SPIRE2: variants seen among roughly 807,000 people sequenced by gnomAD.
SPIRE2 encodes spire type actin nucleation factor 2.
A neutral mutation model predicts 80.7 loss-of-function variants in SPIRE2; 76 were observed. The observed-to-expected ratio is 0.94, with a 90% CI of 0.78 to 1.14. The LOEUF (loss-of-function observed/expected upper bound fraction) is 1.14. Among genes scored for constraint, SPIRE2 ranks in the 50% most tolerant of loss-of-function variants. The pLI is 0.00. For missense variants in SPIRE2, 1,196 were observed against 1,015.3 expected (o/e 1.18, Z -2.42); for synonymous variants, 535 against 432.6 (o/e 1.24, Z -2.94).
intron 1 of SPIRE2, among the ~76,000 whole-genome samples, chr16:89,832,577 A>G (rs1301628892): frequency 6.6e-6 from 1 of 152,006 alleles, no homozygotes; most frequent in African/African-American, 2.4e-5. Context: ...ACTCCTCACC[A>G]GAGCTGAGGG....
Position 89,870,394 on chromosome 16 carries a change from C to T in SPIRE2, c.*122C>T, listed in dbSNP as rs117477742. 7.1e-4 allele frequency: 444 copies of T among 628,544 alleles called. 3 individuals carry two copies. In the East Asian group the frequency reaches 8.3e-3, roughly 12 times the overall value. The allele number at this position is 628,544 out of a possible 1,614,324, so 38.9% of individuals were successfully genotyped here. On this transcript the variant is annotated 3_prime_UTR_variant, in exon 15 of 15. Coordinates refer to ENST00000378247, the MANE Select transcript of SPIRE2 (RefSeq NM_032451.2). ...TACATTTATAATATATACACACAGT[C>T]TATATATTTATATACACTGTTTCCT... is the stretch of plus-strand genomic sequence containing the variant.
At chr16:89,856,752 A>G (rs1204206050) in intron 7 of SPIRE2, among the ~76,000 whole-genome samples, 1 of 151,124 alleles carries the variant, frequency 6.6e-6, no homozygotes, top group Non-Finnish European at 1.5e-5. Flanking sequence ...GAACCACTGC[A>G]CCTGGCCAAA....
Position 89,830,891 on chromosome 16 carries a change from T to G in SPIRE2, c.244+2097T>G, listed in dbSNP as rs187748576. Reference sequence around the variant, plus strand: ...CTTCCTAATCTTTACTCTGAAGACTTTGTAACTGCTTAGAATCTTTTTTTT... The same window carrying G: ...CTTCCTAATCTTTACTCTGAAGACTGTGTAACTGCTTAGAATCTTTTTTTT... On this transcript the variant is annotated intron_variant, in intron 1 of 14. Transcript: ENST00000378247. Among the ~76,000 whole-genome samples, 258 of 149,152 alleles carry G rather than the reference T, an allele frequency of 1.7e-3. 4 individuals carry two copies. The highest frequency in any genetic ancestry group is 6.8e-3 in the Middle Eastern group (2 of 294).
At chr16:89,829,527 G>T (rs942330850) in intron 1 of SPIRE2, among the ~76,000 whole-genome samples, 2 of 152,252 alleles carry the variant, frequency 1.3e-5, no homozygotes, top group East Asian at 3.8e-4. Flanking sequence ...GCAGAGGCAG[G>T]CTGTGTGTTT....
chr16:89,835,244 C>T (rs1419353935), intron 1 of SPIRE2, among the ~76,000 whole-genome samples: 2 of 144,080 alleles, frequency 1.4e-5, no homozygotes, highest in Non-Finnish European at 2.9e-5. Flanking sequence ...CGTGGATAAG[C>T]ATAGCCCGTG....
rs567891262 is a variant in SPIRE2 at position 89,838,538 on chromosome 16, A to T, written c.245-6784A>T. Among the ~76,000 whole-genome samples the T allele has an allele frequency of 5.3e-5, 8 of 152,176 alleles. No homozygotes were observed. In the South Asian group the frequency reaches 1.7e-3, roughly 32 times the overall value. On this transcript the variant is annotated intron_variant, in intron 1 of 14. Transcript: ENST00000378247. ...CTGTTTCATCAGCGGGAACCAGGGA[A>T]GCTCAGGGAAGCACGGTGAGCCACG...
chr16:89,828,729 G>C lies in SPIRE2; in HGVS notation c.179G>C (p.Arg60Pro). ...GLRGSPGRRL[R>P]DTGDLLLRGD... ...CGGGGCTCGCCGGGCCGGCGCCTGCGGGATACCGGGGACCTCCTGCTGCGC... is the reference window on the plus strand; with the variant it reads ...CGGGGCTCGCCGGGCCGGCGCCTGCCGGATACCGGGGACCTCCTGCTGCGC... The change falls in exon 1 of 15, where the codon CGG (arginine) becomes CCG (proline). Residue 60 changes from arginine to proline, a missense_variant. Physicochemically the swap from Arg to Pro is moderately radical, Grantham distance 103. Transcript: ENST00000378247. The surrounding 1 kb of genome is among the most constrained non-coding windows in gnomAD (Gnocchi z 5.9). 2.6e-5 allele frequency: 32 copies of C among 1,241,158 alleles called. No individual in the cohort carries two copies. Among genetic ancestry groups the C allele is most frequent in the Non-Finnish European group, 3.2e-5 (32 of 989,240 alleles). The allele number at this position is 1,241,158 out of a possible 1,614,324, so 76.9% of individuals were successfully genotyped here.
At chr16:89,856,831 C>T (rs1170722263) in intron 7 of SPIRE2, among the ~76,000 whole-genome samples, 1 of 151,180 alleles carries the variant, frequency 6.6e-6, no homozygotes, top group Non-Finnish European at 1.5e-5. Flanking sequence ...GATGCTGAGG[C>T]GGGAGGATCA....
At position 89,843,352 on chromosome 16, in the gene SPIRE2, G is replaced by A. The variant is rs866330989; in HGVS notation, c.245-1970G>A. ...ACCGGCAAAAGGCAGGTTCGCTCCC[G>A]GGCCTCCCTCAGGGCCAGGTTTCAT... On this transcript the variant is annotated intron_variant, in intron 1 of 14. Transcript: ENST00000378247. 5.3e-5 allele frequency among the ~76,000 whole-genome samples: 8 copies of A among 152,244 alleles called. No individual in the cohort carries two copies. The South Asian group carries it at 6.2e-4, about 12-fold the overall frequency.
intron 1 of SPIRE2, among the ~76,000 whole-genome samples, chr16:89,839,371 C>T (rs2041481503): frequency 1.3e-5 from 1 of 75,452 alleles, no homozygotes; most frequent in South Asian, 5.7e-4. Context: ...GAGACTCCAT[C>T]TCAAAAAAAA....
chr16:89,843,458 G>A (rs1470345702), intron 1 of SPIRE2, among the ~76,000 whole-genome samples: 7 of 151,626 alleles, frequency 4.6e-5, no homozygotes, highest in Non-Finnish European at 1.0e-4. Context: ...AGTCTTGGGG[G>A]GACATCTCCA....
At chr16:89,834,481 C>T (rs1490352361) in intron 1 of SPIRE2, among the ~76,000 whole-genome samples, 12 of 86,826 alleles carry the variant, frequency 1.4e-4, no homozygotes, top group East Asian at 3.6e-4. Flanking sequence ...TGAACCTGCC[C>T]GCACTCGCGG....
chr16:89,846,628 C>G (rs1335454735), intron 2 of SPIRE2: 1 of 150,970 alleles, frequency 6.6e-6, no homozygotes, highest in Non-Finnish European at 1.5e-5. Flanking sequence ...ATTCTCCTGG[C>G]CAGCCTCTCA....
At chr16:89,869,782 G>A (rs1010810908) in intron 14 of SPIRE2, 100 bp downstream of exon 14, 15 of 906,208 alleles carry the variant, frequency 1.7e-5, no homozygotes, top group Non-Finnish European at 2.7e-5. Flanking sequence ...TGTTTGCTAG[G>A]ACACCCCAAG....
rs2041807543 is a variant in SPIRE2 at position 89,868,309 on chromosome 16, A to G, written c.1806+93A>G. 4 of 1,265,424 alleles carry G rather than the reference A, an allele frequency of 3.2e-6. No individual in the cohort carries two copies. The Admixed American group carries it at 7.3e-5, about 23-fold the overall frequency. 78.4% of individuals were successfully genotyped at this position (1,265,424 alleles called of 1,614,324 possible). A position where few individuals can be genotyped will look rare whatever the true frequency, so the allele number is the denominator to read the frequency against. ...ATGTGTTGGATGATGCTGCCTCACC[A>G]GGCACCTCATCCATTTCCTTTCAGG... On this transcript the variant is annotated intron_variant, in intron 13 of 14. Coordinates refer to ENST00000378247, the MANE Select transcript of SPIRE2 (RefSeq NM_032451.2).
chr16:89,842,047 C>A (rs776225358), intron 1 of SPIRE2, among the ~76,000 whole-genome samples: 23 of 151,040 alleles, frequency 1.5e-4, no homozygotes, highest in Non-Finnish European at 2.7e-4. Flanking sequence ...TTTTTAACAT[C>A]TAGTTTTATA....
At chr16:89,853,887 C>T (rs2041661525) in intron 3 of SPIRE2, among the ~76,000 whole-genome samples, 1 of 152,252 alleles carries the variant, frequency 6.6e-6, no homozygotes, top group Admixed American at 6.5e-5. Context: ...TCCACCTGTC[C>T]ACCACGTATC....
At position 89,863,895 on chromosome 16, in the gene SPIRE2, G is replaced by C. The variant is rs762255315; in HGVS notation, c.1778+34G>C. ...TCCCTTTAGCTGTCAGTTCACAAGG[G>C]AAGGAGGAGGCGAGAAACCTCGGGG... is the stretch of plus-strand genomic sequence containing the variant. On this transcript the variant is annotated intron_variant, in intron 12 of 14. Transcript: ENST00000378247. This position sits in a 1 kb window ranked among gnomAD's most constrained non-coding sequence, Gnocchi z 4.3. 4.0e-5 allele frequency: 63 copies of C among 1,573,012 alleles called. No individual in the cohort carries two copies. The highest frequency in any genetic ancestry group is 5.3e-5 in the Non-Finnish European group (61 of 1,148,590).
At chr16:89,830,160 T>C (rs905131022) in intron 1 of SPIRE2, among the ~76,000 whole-genome samples, 3 of 151,258 alleles carry the variant, frequency 2.0e-5, no homozygotes, top group Non-Finnish European at 4.4e-5. Flanking sequence ...GCCTGCTTCC[T>C]GTTGGTGCTG....
Sources: gnomAD v4.1 joint callset for allele counts (sites outside exome capture counted in the v4.1 genomes callset) on GRCh38, gnomAD v4.1.1 for gene constraint, Gnocchi (gnomAD v3.1) non-coding constraint, MANE v1.5 for transcripts, NCBI Gene and HGNC (gene_info 2026-07-23, HGNC 2026-07-21) for gene names.